Variants in PBX1 observed in about 807,000 individuals in gnomAD.
The protein encoded by PBX1 is PBX homeobox 1.
Under a neutral mutation model 53.4 loss-of-function variants are expected in PBX1, and 6 were observed. The ratio of observed to expected loss-of-function variants is 0.11; its 90% CI spans 0.06 to 0.22. The LOEUF is 0.22. PBX1 is among the 10% of genes least tolerant of loss of function. PBX1 has a pLI of 1.00. For synonymous variants in PBX1, 204 were observed against 212.3 expected (o/e 0.96, Z 0.34); for missense variants, 251 against 551.4 (o/e 0.46, Z 5.46).
At chr1:164,798,501 G>A (rs1242700395) in intron 3 of PBX1, among the ~76,000 whole-genome samples, 3 of 152,226 alleles carry the variant, frequency 2.0e-5, no homozygotes, top group East Asian at 1.9e-4. Flanking sequence ...GAGGGCAGGA[G>A]TTTTCAGAGG....
At chr1:164,670,575 G>A (rs1392031519) in intron 2 of PBX1, among the ~76,000 whole-genome samples, 1 of 152,166 alleles carries the variant, frequency 6.6e-6, no homozygotes, top group Admixed American at 6.5e-5. Flanking sequence ...GGCCTGTGGG[G>A]TCAGGTTTGA....
chr1:164,808,130 C>G (rs2279470), intron 5 of PBX1, among the ~76,000 whole-genome samples: 33,271 of 152,012 alleles, frequency 0.22, 3,826 homozygotes, highest in South Asian at 0.27. Context: ...TTAAATGTCT[C>G]CTCTTGATGT....
At chr1:164,641,755 T>C (rs1659161271) in intron 2 of PBX1, 1 of 152,220 alleles carries the variant, frequency 6.6e-6, no homozygotes. Context: ...TGAGAAAGGA[T>C]TTTATTGTAT....
intron 2 of PBX1, among the ~76,000 whole-genome samples, chr1:164,781,326 G>T (rs996895009): frequency 6.6e-6 from 1 of 152,114 alleles, no homozygotes; most frequent in Admixed American, 6.5e-5. Flanking sequence ...TCTAAGTAGG[G>T]TGCATTGGGA....
intron 2 of PBX1, among the ~76,000 whole-genome samples, chr1:164,574,159 G>C (rs535211073): frequency 2.6e-5 from 4 of 152,278 alleles, no homozygotes; most frequent in Admixed American, 2.6e-4. Flanking sequence ...TCTTTCCATA[G>C]CTCTTCATTT....
intron 2 of PBX1, among the ~76,000 whole-genome samples, chr1:164,784,412 G>A (rs963656515): frequency 6.6e-6 from 1 of 152,232 alleles, no homozygotes; most frequent in Non-Finnish European, 1.5e-5. Flanking sequence ...AGCGTGCCAA[G>A]TGGGGAACGT....
intron 2 of PBX1, among the ~76,000 whole-genome samples, chr1:164,713,534 T>A (rs575039515): frequency 2.6e-5 from 4 of 152,310 alleles, no homozygotes; most frequent in African/African-American, 9.6e-5. Flanking sequence ...CTATTCTGTC[T>A]CTCTCCACCC....
intron 2 of PBX1, chr1:164,576,965 T>A (rs1030503042): frequency 7.0e-5 from 10 of 142,106 alleles, no homozygotes; most frequent in African/African-American, 2.6e-4. Flanking sequence ...TGGTTTTGCA[T>A]GCAGAAGTGA....
chr1:164,686,793 C>G (rs536028589), intron 2 of PBX1, among the ~76,000 whole-genome samples: 16 of 152,040 alleles, frequency 1.1e-4, no homozygotes, highest in South Asian at 2.1e-4. Flanking sequence ...CCCGTCTCTA[C>G]TAAAAATACA....
At chr1:164,573,860 T>C (rs550143894) in intron 2 of PBX1, among the ~76,000 whole-genome samples, 8 of 152,336 alleles carry the variant, frequency 5.3e-5, no homozygotes, top group African/African-American at 1.9e-4. Context: ...ATCTACCATA[T>C]GGGACAGCAC....
intron 2 of PBX1, among the ~76,000 whole-genome samples, chr1:164,745,301 G>A (rs16834286): frequency 0.16 from 24,785 of 152,006 alleles, 2,949 homozygotes; most frequent in African/African-American, 0.33. Flanking sequence ...CTTTATCATC[G>A]CAGACTGTGT....
intron 2 of PBX1, among the ~76,000 whole-genome samples, chr1:164,775,798 G>A (rs531504457): frequency 1.4e-3 from 207 of 152,288 alleles, no homozygotes; most frequent in African/African-American, 4.7e-3. Context: ...GATGGGGTGA[G>A]TGCTGAAACA....
At chr1:164,696,751 T>G (rs1456173966) in intron 2 of PBX1, among the ~76,000 whole-genome samples, 1 of 152,214 alleles carries the variant, frequency 6.6e-6, no homozygotes, top group African/African-American at 2.4e-5. Context: ...TTGTTGACTT[T>G]CCTTTTGGCT....
rs543837192 is a variant in PBX1, at chr1:164,591,389, C to T, written c.265+28078C>T. ...AAGGGAAAACCTTATTAATTAAGAT[C>T]TTTGATAATGTGGATTCTAAATAAT... On this transcript the variant is annotated intron_variant, in intron 2 of 8. Transcript: ENST00000420696. Among the ~76,000 whole-genome samples the T allele has an allele frequency of 5.9e-5, 9 of 152,250 alleles. No homozygotes were observed. In the South Asian group the frequency reaches 1.9e-3, roughly 32 times the overall value.
chr1:164,830,317 C>T (rs1255647761), intron 8 of PBX1, among the ~76,000 whole-genome samples: 1 of 152,062 alleles, frequency 6.6e-6, no homozygotes, highest in African/African-American at 2.4e-5. Context: ...TAAAATGAAG[C>T]CACCAAAGTG....
chr1:164,610,626 A>T (rs1359050013), intron 2 of PBX1, among the ~76,000 whole-genome samples: 1 of 152,130 alleles, frequency 6.6e-6, no homozygotes, highest in Non-Finnish European at 1.5e-5. Flanking sequence ...GGAGAGCTAC[A>T]AGCGATCGGT....
rs1250933959 is a variant in PBX1, at chr1:164,850,098, A to T, written c.*3422A>T. ...TAATAGTGTTTATAATAAAAATTTT[A>T]AAAATGACCCTCATAGCACGCAAAA... On this transcript the variant is annotated 3_prime_UTR_variant, in exon 9 of 9. Coordinates refer to ENST00000420696, the MANE Select transcript of PBX1 (RefSeq NM_002585.4). 11 of 227,700 alleles carry T rather than the reference A, an allele frequency of 4.8e-5. No individual in the cohort carries two copies. Among genetic ancestry groups the T allele is most frequent in the Non-Finnish European group, 8.7e-5 (10 of 114,652 alleles). The allele number at this position is 227,700 out of a possible 1,614,324, so 14.1% of individuals were successfully genotyped here. A position where few individuals can be genotyped will look rare whatever the true frequency, so the allele number is the denominator to read the frequency against.
In PBX1 at chr1:164,848,125, T is replaced by C; in HGVS notation, c.*1449T>C. On this transcript the variant is annotated 3_prime_UTR_variant, in exon 9 of 9. Coordinates refer to ENST00000420696, the MANE Select transcript of PBX1 (RefSeq NM_002585.4). ...GCTTCATTTGAGGACCTGAGAATCA[T>C]GGGGAAAGGGAAGGTAATGTTTTCA... 7.6e-6 allele frequency: 8 copies of C among 1,051,064 alleles called. No homozygotes were observed. The highest frequency in any genetic ancestry group is 8.0e-6 in the Non-Finnish European group (7 of 870,384). The allele number at this position is 1,051,064 out of a possible 1,614,324, so 65.1% of individuals were successfully genotyped here. A position where few individuals can be genotyped will look rare whatever the true frequency, so the allele number is the denominator to read the frequency against.
intron 2 of PBX1, among the ~76,000 whole-genome samples, chr1:164,710,767 G>A (rs948893846): frequency 6.6e-6 from 1 of 152,168 alleles, no homozygotes; most frequent in Non-Finnish European, 1.5e-5. Flanking sequence ...GGAGGAGAGA[G>A]GGGAGTAAAA....
Sources: gnomAD v4.1 joint callset for allele counts (sites outside exome capture counted in the v4.1 genomes callset) on GRCh38, gnomAD v4.1.1 for gene constraint, MANE v1.5 for transcripts, NCBI Gene and HGNC (gene_info 2026-07-23, HGNC 2026-07-21) for gene names.